The following CD36 variants were observed in gnomAD, a reference collection of about 807,000 sequenced individuals.
CD36 encodes platelet glycoprotein 4.
CD36 carries 119 observed loss-of-function variants against 55.2 expected under a neutral mutation model. The observed-to-expected ratio is 2.15, with a 90% CI of 1.86 to 2.51. The LOEUF is 2.51. CD36 is among the 30% of genes most tolerant of loss of function. The pLI, the probability that CD36 is intolerant of heterozygous loss-of-function variation, is 0.00. For missense variants in CD36, 819 were observed against 555.5 expected, an observed-to-expected ratio of 1.47 and a Z score of -4.77; for synonymous variants, 186 against 193.6, an observed-to-expected ratio of 0.96 and a Z score of 0.33.
chr7:80,664,479 A>G lies in CD36; in HGVS notation c.683A>G (p.Asp228Gly), dbSNP rs751459986. The G allele has an allele frequency of 2.6e-6, 4 of 1,558,608 alleles. No homozygotes were observed. Among genetic ancestry groups the G allele is most frequent in the East Asian group, 2.2e-5 (1 of 44,508 alleles). Residue 228 changes from aspartate (D) to glycine (G), a missense_variant, in exon 7 of 15, where the codon GAC becomes GGC. By Grantham distance (94) the Asp-to-Gly change is moderately conservative (BLOSUM62 -1). Coordinates refer to ENST00000447544, the MANE Select transcript of CD36 (RefSeq NM_001001548.3). ...AACATAAGTAAAGTTGCCATAATCG[A>G]CACATATAAAGGTAAAAGGTAAGTA... The part of the protein sequence containing the change: ...KDNISKVAII[D>G]TYKGKRNLSY...
intron 1 of CD36, among the ~76,000 whole-genome samples, chr7:80,623,603 CA>C (rs1489275676): frequency 1.3e-5 from 2 of 152,134 alleles, no homozygotes; most frequent in Non-Finnish European, 2.9e-5. Flanking sequence ...TTTCATATTG[CA>C]AAATAAACAG....
chr7:80,606,942 A>T (rs572310428), intron 1 of CD36, among the ~76,000 whole-genome samples: 1 of 152,254 alleles, frequency 6.6e-6, no homozygotes, highest in African/African-American at 2.4e-5. Flanking sequence ...TCAGTCTTCC[A>T]ATCTTTGTGT....
At chr7:80,670,953 C>A (rs368047315) in intron 9 of CD36, 24 bp from the exon 10 acceptor site, 3 of 1,559,362 alleles carry the variant, frequency 1.9e-6, no homozygotes, top group Non-Finnish European at 2.7e-6. Flanking sequence ...TCCTGGAATG[C>A]AGCTCTTTTT....
At chr7:80,668,227 T>C (rs566332024) in intron 8 of CD36, among the ~76,000 whole-genome samples, 1 of 152,268 alleles carries the variant, frequency 6.6e-6, no homozygotes, top group Admixed American at 6.5e-5. Flanking sequence ...AAGGATTCTT[T>C]AAGGAGAAAA....
chr7:80,672,833 G>T lies in CD36; in HGVS notation c.1189G>T (p.Glu397Ter). 6 of 1,609,276 alleles carry T rather than the reference G, an allele frequency of 3.7e-6. No individual in the cohort carries two copies. Among genetic ancestry groups the T allele is most frequent in the Non-Finnish European group, 5.1e-6 (6 of 1,176,714 alleles). ...GGTCAACCTATTGGTCAAGCCATCA[G>T]AAAAAATTCAGTGAGTCTCTTGAAA... ...LQVNLLVKPS[E>*]KIQVLKNLKR... is the part of the protein sequence containing the mutation. The change falls in exon 12 of 15, where the codon GAA (glutamate) becomes TAA (stop). Residue 397 changes from glutamate (E) to a stop codon, truncating the protein, a stop_gained. Coordinates refer to ENST00000447544, the MANE Select transcript of CD36 (RefSeq NM_001001548.3). LOFTEE classifies it high-confidence loss of function.
In CD36 at chr7:80,646,872, C is replaced by A; in HGVS notation, c.120+12C>A. On this transcript the variant is annotated intron_variant, in intron 3 of 14. Coordinates refer to ENST00000447544, the MANE Select transcript of CD36 (RefSeq NM_001001548.3). ...AGACAATTAAAAAGGTACAAGTAGT[C>A]CAAAGAATATGCCTTCTCATTTTGA... is the stretch of plus-strand genomic sequence containing the variant. 5.6e-6 allele frequency: 9 copies of A among 1,613,514 alleles called. No individual in the cohort carries two copies. Among genetic ancestry groups the A allele is most frequent in the Non-Finnish European group, 7.6e-6 (9 of 1,179,618 alleles).
At chr7:80,611,309 G>T (rs1169431003) in intron 1 of CD36, among the ~76,000 whole-genome samples, 1 of 152,118 alleles carries the variant, frequency 6.6e-6, no homozygotes, top group Non-Finnish European at 1.5e-5. Context: ...TGACACAGAG[G>T]CCCTAACCTC....
chr7:80,637,038 A>G (rs191869051), upstream of CD36: 152 of 152,260 alleles, frequency 1.0e-3, 1 homozygote, highest in African/African-American at 3.5e-3. Context: ...TCTATTTTGC[A>G]TGTATTTTTT....
At chr7:80,670,537 G>A (rs963582133) in intron 9 of CD36, 5 of 217,310 alleles carry the variant, frequency 2.3e-5, no homozygotes, top group Admixed American at 5.3e-5. Flanking sequence ...AGAAAAATAT[G>A]TGTATTGAAC....
At chr7:80,675,392 G>C (rs1486500421) in intron 14 of CD36, among the ~76,000 whole-genome samples, 1 of 151,480 alleles carries the variant, frequency 6.6e-6, no homozygotes, top group Non-Finnish European at 1.5e-5. Context: ...AAATGCAGAA[G>C]TTATAAACAT....
At chr7:80,628,743 GCA>G (rs575679900) in intron 1 of CD36, among the ~76,000 whole-genome samples, 28 of 152,116 alleles carry the variant, frequency 1.8e-4, no homozygotes, top group African/African-American at 6.7e-4. Context: ...GGTAGTCAGA[GCA>G]CAGTTTGGTT....
chr7:80,604,884 G>T (rs1322181312), intron 1 of CD36, among the ~76,000 whole-genome samples: 1 of 152,020 alleles, frequency 6.6e-6, no homozygotes, highest in Non-Finnish European at 1.5e-5. Flanking sequence ...TTACGACCAT[G>T]ACTTAATAAG....
chr7:80,672,281 A>AAATATACATAGTCAAAG (rs1410076898), intron 11 of CD36, among the ~76,000 whole-genome samples: 1 of 151,830 alleles, frequency 6.6e-6, no homozygotes, highest in Non-Finnish European at 1.5e-5. Context: ...TATTATGCAA[A>AAATATACATAGTCAAAG]AGTCAAAGAG....
At chr7:80,653,688 A>G (rs1026292407) in intron 3 of CD36, among the ~76,000 whole-genome samples, 1 of 152,218 alleles carries the variant, frequency 6.6e-6, no homozygotes, top group African/African-American at 2.4e-5. Flanking sequence ...TAGTCTAGAC[A>G]GTCCAAATTC....
chr7:80,674,120 T>A lies in CD36; in HGVS notation c.1392T>A (p.Cys464Ter), dbSNP rs1307971636. 1 of 1,612,224 alleles carries A rather than the reference T, an allele frequency of 6.2e-7. No individual in the cohort carries two copies. The highest frequency in any genetic ancestry group is 1.3e-5 in the African/African-American group (1 of 74,958). ...TTGTTGCTTTTATGATTTCATATTG[T>A]GCATGCAGATCGAAAACAATAAAAT... is the stretch of plus-strand genomic sequence containing the variant. ...VMFVAFMISYCACRSKTIK is the reference protein window; with the variant it reads ...VMFVAFMISY The change falls in exon 14 of 15, where the codon TGT becomes TGA. Residue 464 changes from cysteine to a stop codon, truncating the protein, a stop_gained. Coordinates refer to ENST00000447544, the MANE Select transcript of CD36 (RefSeq NM_001001548.3). LOFTEE classifies it high-confidence loss of function.
chr7:80,632,524 T>C (rs1794140846), intron 1 of CD36, among the ~76,000 whole-genome samples: 1 of 152,050 alleles, frequency 6.6e-6, no homozygotes, highest in Admixed American at 6.6e-5. Flanking sequence ...CTGGTGCAGA[T>C]GTCAATATAA....
chr7:80,641,593 C>G (rs1794816227), intron 1 of CD36, among the ~76,000 whole-genome samples: 1 of 151,984 alleles, frequency 6.6e-6, no homozygotes, highest in Admixed American at 6.6e-5. Flanking sequence ...ATCTACTGAT[C>G]AGTAAGAAAA....
rs1584482743 is a variant in CD36, at chr7:80,677,989, A to G, written c.*1606A>G. ...TAAAAGGAATATAAGAGGAAAGACA[A>G]TTCATATACAAAGACAACGAGATTA... On this transcript the variant is annotated 3_prime_UTR_variant, in exon 15 of 15. Coordinates refer to ENST00000447544, the MANE Select transcript of CD36 (RefSeq NM_001001548.3). 3 of 152,182 alleles carry G rather than the reference A, an allele frequency of 2.0e-5. No individual in the cohort carries two copies. In the East Asian group the frequency reaches 5.8e-4, roughly 29 times the overall value. 9.4% of individuals were successfully genotyped at this position (152,182 alleles called of 1,614,324 possible). A position where few individuals can be genotyped will look rare whatever the true frequency, so the allele number is the denominator to read the frequency against.
chr7:80,664,805 A>T (rs1334177298), intron 7 of CD36, among the ~76,000 whole-genome samples: 1 of 151,428 alleles, frequency 6.6e-6, no homozygotes, highest in African/African-American at 2.4e-5. Flanking sequence ...CTTATCCAGC[A>T]TTACAGTATA....
Sources: gnomAD v4.1 joint callset for allele counts (sites outside exome capture counted in the v4.1 genomes callset) on GRCh38, gnomAD v4.1.1 for gene constraint, MANE v1.5 for transcripts, NCBI Gene and HGNC (gene_info 2026-07-23, HGNC 2026-07-21) for gene names.